The following BCAS3 variants were observed in gnomAD, a reference collection of about 807,000 sequenced individuals.
BCAS3 encodes the protein BCAS3 microtubule associated cell migration factor, also known as BCAS4/BCAS3 fusion.
A neutral mutation model predicts 116.1 loss-of-function variants in BCAS3; 53 were observed. The ratio of observed to expected loss-of-function variants is 0.46; its 90% CI spans 0.37 to 0.57. The LOEUF is 0.57. Among genes scored for constraint, BCAS3 ranks in the 20% least tolerant of loss-of-function variants. BCAS3 has a pLI of 0.00. For missense variants in BCAS3, 917 were observed against 1,165.4 expected (o/e 0.79, Z 3.10); for synonymous variants, 391 against 408.2 (o/e 0.96, Z 0.51).
chr17:61,295,858 G>T (rs909467976), intron 22 of BCAS3, among the ~76,000 whole-genome samples: 2 of 151,820 alleles, frequency 1.3e-5, no homozygotes, highest in African/African-American at 4.8e-5. Flanking sequence ...AGGAGGCTGA[G>T]GCAGGAGAAT....
chr17:60,697,639 G>A (rs1451938843), intron 4 of BCAS3, among the ~76,000 whole-genome samples: 1 of 151,504 alleles, frequency 6.6e-6, no homozygotes, highest in Non-Finnish European at 1.5e-5. Context: ...CTTTTGAGGT[G>A]TGAATAGAAA....
At chr17:60,762,604 A>G (rs544127744) in intron 6 of BCAS3, among the ~76,000 whole-genome samples, 1 of 152,054 alleles carries the variant, frequency 6.6e-6, no homozygotes, top group Non-Finnish European at 1.5e-5. Flanking sequence ...TACTGTAGCC[A>G]TGTAGTATAG....
In BCAS3 at chr17:61,228,923, T is replaced by G. The variant is rs900100718; in HGVS notation, c.2426-139404T>G. 1.3e-5 allele frequency among the ~76,000 whole-genome samples: 2 copies of G among 152,210 alleles called. No homozygotes were observed. Among genetic ancestry groups the G allele is most frequent in the Admixed American group, 6.5e-5 (1 of 15,276 alleles). On this transcript the variant is annotated intron_variant, in intron 22 of 23. Transcript: ENST00000407086. This position sits in a 1 kb window ranked among gnomAD's most constrained non-coding sequence, Gnocchi z 5.0. ...AAGCATGTCAAAAGCCACGACAGGC[T>G]GAAAGCTAGTCCTCTTGCAGCAGTT...
At chr17:61,342,216 A>G (rs928945052) in intron 22 of BCAS3, among the ~76,000 whole-genome samples, 2 of 152,204 alleles carry the variant, frequency 1.3e-5, no homozygotes, top group Non-Finnish European at 2.9e-5. Context: ...ATCTCCATTC[A>G]GAAGCTACTC....
intron 7 of BCAS3, among the ~76,000 whole-genome samples, chr17:60,828,301 G>A (rs546675105): frequency 3.3e-5 from 5 of 152,286 alleles, no homozygotes; most frequent in Admixed American, 2.6e-4. Flanking sequence ...GTTGTGTTGT[G>A]ATTATGTTAA....
At chr17:60,840,570 A>T (rs1426147011) in intron 7 of BCAS3, among the ~76,000 whole-genome samples, 1 of 152,036 alleles carries the variant, frequency 6.6e-6, no homozygotes, top group East Asian at 1.9e-4. Context: ...CTGTTTTTTG[A>T]CCTCTTCATG....
At chr17:61,301,898 C>CA (rs1195792117) in intron 22 of BCAS3, among the ~76,000 whole-genome samples, 1 of 152,120 alleles carries the variant, frequency 6.6e-6, no homozygotes, top group African/African-American at 2.4e-5. Flanking sequence ...ACTTTCTTTA[C>CA]AGTGTAAAGA....
intron 14 of BCAS3, among the ~76,000 whole-genome samples, chr17:60,970,281 G>A (rs958020356): frequency 1.3e-5 from 2 of 151,988 alleles, no homozygotes; most frequent in African/African-American, 4.8e-5. Context: ...AATGAAAATG[G>A]CATACTAAAA....
chr17:61,025,103 C>T (rs774672818), intron 16 of BCAS3, among the ~76,000 whole-genome samples: 11 of 152,040 alleles, frequency 7.2e-5, no homozygotes, highest in African/African-American at 1.4e-4. Flanking sequence ...ATAGAAATGG[C>T]GTGAACCATT....
intron 2 of BCAS3, 107 bp from the exon 3 acceptor site, chr17:60,683,875 A>C: frequency 1.0e-6 from 1 of 1,000,776 alleles, no homozygotes; most frequent in Non-Finnish European, 1.5e-6. Context: ...CCAAAAAACA[A>C]ACAACAACAA....
chr17:60,913,166 A>G (rs1181767986), intron 12 of BCAS3, among the ~76,000 whole-genome samples: 1 of 152,090 alleles, frequency 6.6e-6, no homozygotes, highest in Non-Finnish European at 1.5e-5. Context: ...AAATGCATTG[A>G]TAACACTTGA....
rs1408952127 is a variant in BCAS3 at position 61,077,076 on chromosome 17, C to A, written c.2131-1257C>A. 6.6e-6 allele frequency among the ~76,000 whole-genome samples: 1 copy of A among 151,574 alleles called. No individual in the cohort carries two copies. The highest frequency in any genetic ancestry group is 1.5e-5 in the Non-Finnish European group (1 of 68,010). ...AAGTATTTGCACAGGCATGAATGTA[C>A]CATTGACAAGACATTTAAACTAGTT... On this transcript the variant is annotated intron_variant, in intron 20 of 23. Transcript: ENST00000407086. The surrounding 1 kb of genome is among the most constrained non-coding windows in gnomAD (Gnocchi z 4.3).
intron 14 of BCAS3, among the ~76,000 whole-genome samples, chr17:60,966,716 G>A (rs1368155643): frequency 7.7e-5 from 11 of 143,370 alleles, no homozygotes; most frequent in Middle Eastern, 3.9e-3. Flanking sequence ...CCAGTGGCAC[G>A]TTCTTGGCTC....
chr17:61,067,273 G>GTGTGTATATATATATATATATATA (rs1251223420), intron 19 of BCAS3, among the ~76,000 whole-genome samples: 1 of 58,796 alleles, frequency 1.7e-5, no homozygotes, highest in African/African-American at 8.6e-5. Context: ...GTGTGTATGT[G>GTGTGTATATATATATATATATATA]TATATATATA....
intron 7 of BCAS3, among the ~76,000 whole-genome samples, chr17:60,851,113 T>C (rs1296786727): frequency 6.6e-6 from 1 of 152,206 alleles, no homozygotes; most frequent in Non-Finnish European, 1.5e-5. Flanking sequence ...TTAAAAACTT[T>C]TGCTCCGTGA....
rs555988742 is a variant in BCAS3 at position 61,244,587 on chromosome 17, G to T, written c.2426-123740G>T. On this transcript the variant is annotated intron_variant, in intron 22 of 23. Coordinates refer to ENST00000407086, the MANE Select transcript of BCAS3 (RefSeq NM_017679.5). This position sits in a 1 kb window ranked among gnomAD's most constrained non-coding sequence, Gnocchi z 4.9. ...TTTTAAAAATTGGATATATAGGCCC[G>T]GCGCGGTGGCTCATGCCTGTAATCC... Among the ~76,000 whole-genome samples, 1 of 152,240 alleles carries T rather than the reference G, an allele frequency of 6.6e-6. No individual in the cohort carries two copies. The highest frequency in any genetic ancestry group is 1.9e-4 in the East Asian group (1 of 5,182).
At position 60,723,748 on chromosome 17, in the gene BCAS3, T is replaced by A. The variant is rs2144110531; in HGVS notation, c.321+14423T>A. 2.2e-5 allele frequency among the ~76,000 whole-genome samples: 3 copies of A among 138,296 alleles called. No homozygotes were observed. In the South Asian group the frequency reaches 7.9e-4, roughly 36 times the overall value. The allele number at this position is 138,296 out of a possible 152,430, so 90.7% of individuals were successfully genotyped here. On this transcript the variant is annotated intron_variant, in intron 5 of 23. Transcript: ENST00000407086. ...TTTTTTTTTTTTTTGAGATGAAGTCTCGCTCTGTTGCCCAGGCTGGAGTGC... is the reference window on the plus strand; with the variant it reads ...TTTTTTTTTTTTTTGAGATGAAGTCACGCTCTGTTGCCCAGGCTGGAGTGC...
At chr17:61,298,525 T>C (rs1335971045) in intron 22 of BCAS3, among the ~76,000 whole-genome samples, 3 of 152,202 alleles carry the variant, frequency 2.0e-5, no homozygotes, top group Non-Finnish European at 4.4e-5. Flanking sequence ...AAAGGCTGGC[T>C]CTCTTGAGCA....
At chr17:60,811,438 C>T (rs546922732) in intron 7 of BCAS3, 142 of 595,932 alleles carry the variant, frequency 2.4e-4, no homozygotes, top group Non-Finnish European at 2.9e-4. Flanking sequence ...CTGAGACCAG[C>T]GACATCAAAG....
Sources: allele counts gnomAD v4.1 joint callset (sites outside exome capture counted in the v4.1 genomes callset), GRCh38; gene constraint gnomAD v4.1.1; non-coding constraint Gnocchi (gnomAD v3.1); transcripts MANE v1.5; gene names NCBI Gene and HGNC (gene_info 2026-07-23, HGNC 2026-07-21).